FRYL: variants seen among roughly 807,000 people sequenced by gnomAD.
The protein encoded by FRYL is protein furry homolog-like.
In FRYL, 150 loss-of-function variants were observed where a neutral mutation model predicts 351.2. The ratio of observed to expected loss-of-function variants is 0.43; its 90% CI spans 0.37 to 0.49. FRYL has a LOEUF of 0.49. Among genes scored for constraint, FRYL ranks in the 20% least tolerant of loss-of-function variants. The pLI, the probability that FRYL is intolerant of heterozygous loss-of-function variation, is 0.00. For missense variants in FRYL, 3,036 were observed against 3,619.3 expected, an observed-to-expected ratio of 0.84 and a Z score of 4.13; for synonymous variants, 1,153 against 1,257.1, an observed-to-expected ratio of 0.92 and a Z score of 1.75.
At chr4:48,648,228 A>G (rs1756930783) in intron 3 of FRYL, among the ~76,000 whole-genome samples, 1 of 152,160 alleles carries the variant, frequency 6.6e-6, no homozygotes, top group Non-Finnish European at 1.5e-5. Context: ...ACTTGATGAA[A>G]TCACCCCAAT....
chr4:48,632,038 G>A (rs1753072863), intron 4 of FRYL, among the ~76,000 whole-genome samples: 1 of 98,168 alleles, frequency 1.0e-5, no homozygotes, highest in Non-Finnish European at 1.8e-5. Flanking sequence ...GGGAGACACA[G>A]CAAGACCCTG....
At chr4:48,652,847 A>G (rs1409577885) in intron 3 of FRYL, among the ~76,000 whole-genome samples, 1 of 152,202 alleles carries the variant, frequency 6.6e-6, no homozygotes, top group Non-Finnish European at 1.5e-5. Flanking sequence ...AGTTGGGAGC[A>G]AAAACAACCA....
chr4:48,636,630 A>T (rs1222644300), intron 3 of FRYL, among the ~76,000 whole-genome samples: 1 of 152,028 alleles, frequency 6.6e-6, no homozygotes, highest in African/African-American at 2.4e-5. Flanking sequence ...AATTGCATAC[A>T]TTAAAAAATT....
chr4:48,658,737 G>C (rs1759795811), intron 3 of FRYL, among the ~76,000 whole-genome samples: 1 of 135,910 alleles, frequency 7.4e-6, no homozygotes, highest in Non-Finnish European at 1.6e-5. Flanking sequence ...CTGAGTGACA[G>C]TGAGACCTTC....
intron 1 of FRYL, among the ~76,000 whole-genome samples, chr4:48,747,013 T>C (rs1772755551): frequency 6.6e-6 from 1 of 152,162 alleles, no homozygotes. Context: ...TAGGGTAGTT[T>C]TTCACAAAGC....
At chr4:48,611,424 T>C (rs1388659422) in intron 7 of FRYL, among the ~76,000 whole-genome samples, 2 of 152,158 alleles carry the variant, frequency 1.3e-5, no homozygotes, top group Non-Finnish European at 2.9e-5. Flanking sequence ...TTCATGGATA[T>C]AGAACTCACA....
chr4:48,671,858 C>CAAAAAAAAAAAAAA lies in FRYL; in HGVS notation c.-81+12801_-81+12814dup, dbSNP rs1226492542. On this transcript the variant is annotated intron_variant, in intron 3 of 63. Coordinates refer to ENST00000358350, the MANE Select transcript of FRYL (RefSeq NM_015030.2). ...AGAGAGAGAGACTCCGTCTCAAAAA[C>CAAAAAAAAAAAAAA]AAAAAAAAAAAAAACAAAAAAAAAA... Among the ~76,000 whole-genome samples the CAAAAAAAAAAAAAA allele has an allele frequency of 4.9e-4, 11 of 22,388 alleles. 1 individual carries two copies. Among genetic ancestry groups the CAAAAAAAAAAAAAA allele is most frequent in the Non-Finnish European group, 7.1e-4 (8 of 11,204 alleles). The allele number at this position is 22,388 out of a possible 152,430, so 14.7% of individuals were successfully genotyped here. A position where few individuals can be genotyped will look rare whatever the true frequency, so the allele number is the denominator to read the frequency against.
At chr4:48,570,771 A>G in intron 27 of FRYL, 56 bp downstream of exon 27, 1 of 1,269,590 alleles carries the variant, frequency 7.9e-7, no homozygotes, top group Non-Finnish European at 1.1e-6. Context: ...GAGCGAAAAG[A>G]GATTACGTTC....
chr4:48,686,633 T>C (rs1399791653), intron 2 of FRYL, among the ~76,000 whole-genome samples: 1 of 152,198 alleles, frequency 6.6e-6, no homozygotes. Context: ...ACAAAACCAG[T>C]CACTACTGGA....
chr4:48,589,938 C>T (rs1481644891), intron 17 of FRYL, 61 bp from the exon 18 acceptor site: 5 of 1,409,116 alleles, frequency 3.5e-6, no homozygotes, highest in Non-Finnish European at 4.9e-6. Flanking sequence ...TACTTACTTT[C>T]TGTAATAAAA....
chr4:48,653,258 T>A (rs1416731438), intron 3 of FRYL, among the ~76,000 whole-genome samples: 1 of 152,170 alleles, frequency 6.6e-6, no homozygotes, highest in East Asian at 1.9e-4. Flanking sequence ...ATTAGAAGAA[T>A]GAGGGAAAGC....
At chr4:48,700,067 A>G (rs772854385) in intron 2 of FRYL, among the ~76,000 whole-genome samples, 5 of 152,222 alleles carry the variant, frequency 3.3e-5, no homozygotes, top group Non-Finnish European at 7.3e-5. Context: ...AGTGAGAGAC[A>G]CGAATGATGA....
At chr4:48,669,310 C>A (rs1345935096) in intron 3 of FRYL, among the ~76,000 whole-genome samples, 1 of 152,092 alleles carries the variant, frequency 6.6e-6, no homozygotes, top group African/African-American at 2.4e-5. Flanking sequence ...CAGAGTGGAG[C>A]TGAGTTCTGG....
In FRYL at chr4:48,679,791, T is replaced by C. The variant is rs144482795; in HGVS notation, c.-81+4882A>G. ...TATCAAAACATCGCTATGTAACCCATGAATATGTACAATTATGATGTCAAT... is the reference window on the plus strand; with the variant it reads ...TATCAAAACATCGCTATGTAACCCACGAATATGTACAATTATGATGTCAAT... On this transcript the variant is annotated intron_variant, in intron 3 of 63. Coordinates refer to ENST00000358350, the MANE Select transcript of FRYL (RefSeq NM_015030.2). Among the ~76,000 whole-genome samples, 727 of 152,208 alleles carry C rather than the reference T, an allele frequency of 4.8e-3. 4 individuals are homozygous for C. The highest frequency in any genetic ancestry group is 0.014 in the Middle Eastern group (4 of 294).
At chr4:48,643,598 T>A (rs1755752804) in intron 3 of FRYL, among the ~76,000 whole-genome samples, 1 of 151,872 alleles carries the variant, frequency 6.6e-6, no homozygotes, top group African/African-American at 2.4e-5. Context: ...GATTTTTGCC[T>A]TGCTATTCAA....
chr4:48,632,180 G>A (rs1358509784), intron 4 of FRYL, among the ~76,000 whole-genome samples: 2 of 136,318 alleles, frequency 1.5e-5, no homozygotes, highest in African/African-American at 2.7e-5. Context: ...ATTGAGAACT[G>A]GTAGGACTGT....
At chr4:48,763,754 T>C (rs1320280330) in intron 1 of FRYL, among the ~76,000 whole-genome samples, 1 of 152,208 alleles carries the variant, frequency 6.6e-6, no homozygotes, top group African/African-American at 2.4e-5. Context: ...CTCTTACTAC[T>C]TCCACTCGAC....
intron 47 of FRYL, among the ~76,000 whole-genome samples, chr4:48,538,509 T>A (rs1230876958): frequency 1.3e-5 from 2 of 152,194 alleles, no homozygotes; most frequent in African/African-American, 4.8e-5. Context: ...TTCTTTACTA[T>A]GCTGGCACCT....
At chr4:48,734,980 T>G (rs865775327) in intron 1 of FRYL, among the ~76,000 whole-genome samples, 13 of 150,520 alleles carry the variant, frequency 8.6e-5, no homozygotes, top group South Asian at 2.1e-4. Context: ...GGAATCTAAT[T>G]AAACTAAAGA....
Sources: gnomAD v4.1 joint callset for allele counts (sites outside exome capture counted in the v4.1 genomes callset) on GRCh38, gnomAD v4.1.1 for gene constraint, MANE v1.5 for transcripts, NCBI Gene and HGNC (gene_info 2026-07-23, HGNC 2026-07-21) for gene names.